Variants in SCAF8 observed in about 807,000 individuals in gnomAD.
SCAF8 encodes SR-related and CTD-associated factor 8.
A neutral mutation model predicts 140.5 loss-of-function variants in SCAF8; 23 were observed. The ratio of observed to expected loss-of-function variants is 0.16; its 90% CI spans 0.12 to 0.23. The LOEUF (loss-of-function observed/expected upper bound fraction) is 0.23, where lower values mean the gene tolerates loss of function less well. Ranked by LOEUF, SCAF8 falls within the 10% of genes least tolerant of loss-of-function variation. The probability of loss-of-function intolerance (pLI) is 1.00; values close to 1 mark genes in which losing one functional copy is unlikely to be tolerated. For synonymous variants in SCAF8, 575 were observed against 528.9 expected (o/e 1.09, Z -1.20); for missense variants, 1,397 against 1,555.7 (o/e 0.90, Z 1.72).
intron 2 of SCAF8, among the ~76,000 whole-genome samples, chr6:154,776,140 A>G (rs1776908909): frequency 6.6e-6 from 1 of 152,050 alleles, no homozygotes; most frequent in South Asian, 2.1e-4. Flanking sequence ...TGTTGCTGTC[A>G]ACCCTGCTTT....
intron 9 of SCAF8, among the ~76,000 whole-genome samples, chr6:154,807,128 C>T (rs1777941122): frequency 6.6e-6 from 1 of 152,148 alleles, no homozygotes. Flanking sequence ...AATGGTCTCT[C>T]TCTTAGCAGA....
chr6:154,817,027 T>C (rs377712801), intron 13 of SCAF8, among the ~76,000 whole-genome samples: 39 of 118,428 alleles, frequency 3.3e-4, no homozygotes, highest in African/African-American at 1.3e-3. Context: ...TCTTATTCTT[T>C]TGTCTTTTTA....
intron 14 of SCAF8, among the ~76,000 whole-genome samples, chr6:154,818,808 A>T (rs1778329373): frequency 6.6e-6 from 1 of 152,196 alleles, no homozygotes; most frequent in Non-Finnish European, 1.5e-5. Context: ...GTAGGTAAAA[A>T]TAAGTCCAAT....
At chr6:154,743,604 A>G (rs1477176708) in intron 1 of SCAF8, among the ~76,000 whole-genome samples, 2 of 152,228 alleles carry the variant, frequency 1.3e-5, no homozygotes, top group East Asian at 1.9e-4. Flanking sequence ...TCAATGAAAG[A>G]TGAAATAGTT....
chr6:154,827,297 T>C, intron 18 of SCAF8, 57 bp downstream of exon 18: 2 of 1,159,100 alleles, frequency 1.7e-6, no homozygotes, highest in East Asian at 2.4e-5. Flanking sequence ...TTTTAGTGTG[T>C]CAGTTCTCAT....
chr6:154,745,677 C>G (rs886906534), intron 1 of SCAF8, among the ~76,000 whole-genome samples: 1 of 152,096 alleles, frequency 6.6e-6, no homozygotes, highest in African/African-American at 2.4e-5. Flanking sequence ...TGGGGAGATA[C>G]TTTGATGCAA....
At chr6:154,789,105 G>C (rs533656704) in intron 4 of SCAF8, among the ~76,000 whole-genome samples, 1 of 151,998 alleles carries the variant, frequency 6.6e-6, no homozygotes, top group African/African-American at 2.4e-5. Context: ...TAGCTATGGC[G>C]ATAAATTTAT....
At chr6:154,813,638 A>G (rs72993468) in intron 12 of SCAF8, among the ~76,000 whole-genome samples, 2,561 of 152,298 alleles carry the variant, frequency 0.017, 27 homozygotes, top group Non-Finnish European at 0.024. Context: ...CATTTAAATC[A>G]TTGGGATTTT....
intron 1 of SCAF8, among the ~76,000 whole-genome samples, chr6:154,741,193 T>C (rs1203716976): frequency 1.3e-5 from 2 of 152,180 alleles, no homozygotes; most frequent in African/African-American, 4.8e-5. Context: ...ACAAGGATAA[T>C]TGAAACTGAT....
chr6:154,833,017 C>A lies in SCAF8; in HGVS notation c.3438C>A (p.His1146Gln), dbSNP rs992543649. 1.2e-6 allele frequency: 2 copies of A among 1,613,974 alleles called. No homozygotes were observed. Among genetic ancestry groups the A allele is most frequent in the African/African-American group, 2.7e-5 (2 of 74,886 alleles). ...ACCGAGGATTTGGACAAGAAGTTCA[C>A]AGAGATTTTGATGACCGCAGAAGAC... is the stretch of plus-strand genomic sequence containing the variant. ...PWNRGFGQEVHRDFDDRRRPW... is the reference protein window; with the variant it reads ...PWNRGFGQEVQRDFDDRRRPW... Residue 1146 changes from histidine (H) to glutamine (Q), a missense_variant, in exon 20 of 20, where the codon CAC becomes CAA. His to Gln is a conservative substitution (Grantham distance 24). Around this residue, in one of 5 missense-constraint regions of SCAF8, gnomAD observed 930 missense variants for 874.6 expected, o/e 1.06. Transcript: ENST00000367178.
intron 1 of SCAF8, among the ~76,000 whole-genome samples, chr6:154,738,190 T>C (rs1184435795): frequency 6.7e-6 from 1 of 149,950 alleles, no homozygotes; most frequent in Non-Finnish European, 1.5e-5. Flanking sequence ...TGTGAGACTC[T>C]GCTTCAAAAA....
chr6:154,790,528 T>TTTTTTTTTTTTTTTTTTG (rs1777386738), intron 4 of SCAF8, among the ~76,000 whole-genome samples: 1 of 94,042 alleles, frequency 1.1e-5, no homozygotes, highest in South Asian at 3.9e-4. Context: ...TTTTTTTTTT[T>TTTTTTTTTTTTTTTTTTG]GAGACGGAGT....
rs1777566481 is a variant in SCAF8 at position 154,795,222 on chromosome 6, G to C, written c.606+83G>C. On this transcript the variant is annotated intron_variant, in intron 6 of 19. Transcript: ENST00000367178. ...ATTACTTTGTAACATACCACCTAGA[G>C]AATATGTGCTTTTTTTAGTTTTATA... 2.5e-6 allele frequency: 3 copies of C among 1,179,256 alleles called. No individual in the cohort carries two copies. In the East Asian group the frequency reaches 8.7e-5, roughly 34 times the overall value. The allele number at this position is 1,179,256 out of a possible 1,614,324, so 73.0% of individuals were successfully genotyped here.
rs147849989 is a variant in SCAF8, at chr6:154,797,437, C to T, written c.606+2298C>T. On this transcript the variant is annotated intron_variant, in intron 6 of 19. Coordinates refer to ENST00000367178, the MANE Select transcript of SCAF8 (RefSeq NM_014892.5). Reference sequence around the variant, plus strand: ...TTGAGACGGAGTCTCGCTGTGTCACCCAGGCTGTAGTACAGTGGTGCAATC... The same window carrying T: ...TTGAGACGGAGTCTCGCTGTGTCACTCAGGCTGTAGTACAGTGGTGCAATC... 3.9e-4 allele frequency among the ~76,000 whole-genome samples: 59 copies of T among 151,386 alleles called. 1 individual carries two copies. The East Asian group carries it at 0.011, about 28-fold the overall frequency.
At chr6:154,773,423 T>TA (rs1776829142) in intron 1 of SCAF8, among the ~76,000 whole-genome samples, 1 of 152,364 alleles carries the variant, frequency 6.6e-6, no homozygotes, top group African/African-American at 2.4e-5. Context: ...GTCGAATAGA[T>TA]ACATTTGTTT....
Position 154,790,489 on chromosome 6 carries a change from A to ATTTTTTTTTTTTTTTTTTTTTTTTTT in SCAF8, c.322-2320_322-2295dup, listed in dbSNP as rs57095332. On this transcript the variant is annotated intron_variant, in intron 4 of 19. Coordinates refer to ENST00000367178, the MANE Select transcript of SCAF8 (RefSeq NM_014892.5). ...TTGTAAAACATATACATTTAACAGAATTTTTTTTTTTTTTTTTTTTTTTTT... is the reference window on the plus strand; with the variant it reads ...TTGTAAAACATATACATTTAACAGAATTTTTTTTTTTTTTTTTTTTTTTTTTTTTTTTTTTTTTTTTTTTTTTTTTT... 8.5e-5 allele frequency among the ~76,000 whole-genome samples: 6 copies of ATTTTTTTTTTTTTTTTTTTTTTTTTT among 70,876 alleles called. 1 individual carries two copies. The highest frequency in any genetic ancestry group is 1.3e-4 in the Non-Finnish European group (5 of 37,996). 46.5% of individuals were successfully genotyped at this position (70,876 alleles called of 152,430 possible).
At chr6:154,746,125 A>T (rs1778693223) in intron 1 of SCAF8, among the ~76,000 whole-genome samples, 1 of 152,108 alleles carries the variant, frequency 6.6e-6, no homozygotes. Context: ...GCCTCAAGTG[A>T]TCCATCTGCC....
chr6:154,776,543 A>G (rs1283190791), intron 2 of SCAF8, among the ~76,000 whole-genome samples: 1 of 152,218 alleles, frequency 6.6e-6, no homozygotes, highest in Non-Finnish European at 1.5e-5. Context: ...AACAAAACAA[A>G]GAACACTGTC....
At chr6:154,792,663 A>G (rs1777457627) in intron 4 of SCAF8, among the ~76,000 whole-genome samples, 160 bp from the exon 5 acceptor site, 1 of 152,236 alleles carries the variant, frequency 6.6e-6, no homozygotes, top group Non-Finnish European at 1.5e-5. Flanking sequence ...AAGGGTAGCA[A>G]ATGCAAAAAT....
Sources: allele counts gnomAD v4.1 joint callset (sites outside exome capture counted in the v4.1 genomes callset), GRCh38; gene constraint gnomAD v4.1.1; regional missense constraint gnomAD v4.1.1; transcripts MANE v1.5; gene names NCBI Gene and HGNC (gene_info 2026-07-23, HGNC 2026-07-21).